Variants in SEMA6C observed in about 807,000 individuals in gnomAD.
The protein encoded by SEMA6C is semaphorin 6C.
A neutral mutation model predicts 72.9 loss-of-function variants in SEMA6C; 37 were observed. That is an observed-to-expected ratio of 0.51 (90% CI 0.39 to 0.67). SEMA6C has a LOEUF of 0.67. Among genes scored for constraint, SEMA6C ranks in the 30% least tolerant of loss-of-function variants. SEMA6C has a pLI of 0.00. For synonymous variants in SEMA6C, 578 were observed against 554.1 expected, an observed-to-expected ratio of 1.04 and a Z score of -0.61; for missense variants, 1,189 against 1,263.6, an observed-to-expected ratio of 0.94 and a Z score of 0.89.
chr1:151,141,203 A>G (rs1682517090), intron 3 of SEMA6C, among the ~76,000 whole-genome samples: 1 of 60,796 alleles, frequency 1.6e-5, no homozygotes, highest in Non-Finnish European at 3.4e-5. Flanking sequence ...GCTTTCTATC[A>G]TGGTGGGCTT....
intron 11 of SEMA6C, 50 bp from the exon 12 acceptor site, chr1:151,136,629 A>C: frequency 3.7e-6 from 6 of 1,607,316 alleles, no homozygotes; most frequent in Non-Finnish European, 5.1e-6. Context: ...GAACTGCACA[A>C]CTTCCCCCAG....
At position 151,137,744 on chromosome 1, in the gene SEMA6C, G is replaced by A. The variant is rs147967713; in HGVS notation, c.723C>T (p.Arg241=). 8.7e-5 allele frequency: 140 copies of A among 1,613,638 alleles called. 1 individual carries two copies. In the African/African-American group the frequency reaches 1.3e-3, roughly 14 times the overall value. The change falls in exon 10 of 19, where the codon CGC becomes CGT. Residue 241 remains arginine, a synonymous_variant. Coordinates refer to ENST00000368914, the MANE Select transcript of SEMA6C (RefSeq NM_030913.6). ...GCCGAGCATCCTCCACAGAGACCTC[G>A]CGGAAGAAGAAGTAGACATGGTCTC... is the stretch of plus-strand genomic sequence containing the variant. ...EHGDHVYFFF[R]EVSVEDARLG...
At position 151,132,245 on chromosome 1, in the gene SEMA6C, C is replaced by G. The variant is rs1030491878; in HGVS notation, c.*239G>C. The G allele has an allele frequency of 6.6e-7, 1 of 1,520,762 alleles. No individual in the cohort carries two copies. Among genetic ancestry groups the G allele is most frequent in the Non-Finnish European group, 8.8e-7 (1 of 1,137,648 alleles). The allele number at this position is 1,520,762 out of a possible 1,614,324, so 94.2% of individuals were successfully genotyped here. On this transcript the variant is annotated 3_prime_UTR_variant, in exon 19 of 19. Transcript: ENST00000368914. ...AGCGGGGAGTGGGAGTCCGCCAGCT[C>G]CCCCTGAAATGCTGGCTCACTGAGG...
At chr1:151,140,644 CCA>C (rs906822839) in intron 3 of SEMA6C, among the ~76,000 whole-genome samples, 1 of 152,212 alleles carries the variant, frequency 6.6e-6, no homozygotes, top group Admixed American at 6.5e-5. Context: ...GTGGTGGAAA[CCA>C]CAGTCATCAG....
intron 7 of SEMA6C, 63 bp from the exon 8 acceptor site, chr1:151,138,469 A>C (rs903895016): frequency 1.3e-6 from 2 of 1,523,608 alleles, no homozygotes; most frequent in East Asian, 2.3e-5. Flanking sequence ...TCCATAGCCT[A>C]TTCCCTCCTG....
intron 3 of SEMA6C, among the ~76,000 whole-genome samples, chr1:151,140,953 A>G (rs587629801): frequency 7.2e-5 from 11 of 151,730 alleles, no homozygotes; most frequent in East Asian, 3.9e-4. Context: ...AGCCGAGATC[A>G]CGCCACTGCA....
Position 151,133,153 on chromosome 1 carries a change from CG to C in SEMA6C, c.2123del (p.Pro708ArgfsTer43). The C allele has an allele frequency of 6.4e-7, 1 of 1,550,482 alleles. No individual in the cohort carries two copies. The highest frequency in any genetic ancestry group is 8.6e-7 in the Non-Finnish European group (1 of 1,161,748). ...LPTPESTPEL[P>X]VKHLRAAGDP... ...CCCCGGCGGCGCGGAGGTGCTTGAC[CG>C]GCAGCTCCGGCGTGGACTCGGGGGT... On this transcript the variant is annotated frameshift_variant, in exon 19 of 19. Coordinates refer to ENST00000368914, the MANE Select transcript of SEMA6C (RefSeq NM_030913.6). LOFTEE classifies it low-confidence loss of function (END_TRUNC). This position sits in a 1 kb window ranked among gnomAD's most constrained non-coding sequence, Gnocchi z 5.9.
chr1:151,143,269 T>C (rs1195912994), intron 2 of SEMA6C, among the ~76,000 whole-genome samples: 1 of 152,162 alleles, frequency 6.6e-6, no homozygotes, highest in East Asian at 1.9e-4. Context: ...TCAGGGGCCC[T>C]TCCCACCGCT....
At chr1:151,143,229 G>C (rs1682703730) in intron 2 of SEMA6C, among the ~76,000 whole-genome samples, 1 of 152,222 alleles carries the variant, frequency 6.6e-6, no homozygotes, top group Non-Finnish European at 1.5e-5. Context: ...AGGCAGCCTA[G>C]AGGTCACTGT....
chr1:151,132,006 G>A lies in SEMA6C; in HGVS notation c.*478C>T, dbSNP rs1355576443. On this transcript the variant is annotated 3_prime_UTR_variant, in exon 19 of 19. Transcript: ENST00000368914. Reference sequence around the variant, plus strand: ...GGCAGAGAGCGAGGGCGCCCAGAGCGAGCCGACCGACTGCCGCCCTCCCCC... The same window carrying A: ...GGCAGAGAGCGAGGGCGCCCAGAGCAAGCCGACCGACTGCCGCCCTCCCCC... The A allele has an allele frequency of 6.0e-6, 2 of 331,450 alleles. No homozygotes were observed. Among genetic ancestry groups the A allele is most frequent in the Non-Finnish European group, 1.1e-5 (2 of 174,666 alleles). The allele number at this position is 331,450 out of a possible 1,614,324, so 20.5% of individuals were successfully genotyped here.
intron 3 of SEMA6C, 42 bp from the exon 4 acceptor site, chr1:151,140,132 C>T (rs368394625): frequency 6.5e-7 from 1 of 1,527,800 alleles, no homozygotes; most frequent in South Asian, 1.2e-5. Flanking sequence ...ATACCACAAA[C>T]TTCCCCAACA....
At chr1:151,144,222 C>T (rs149657637) in intron 2 of SEMA6C, among the ~76,000 whole-genome samples, 163 bp downstream of exon 2, 150 of 152,274 alleles carry the variant, frequency 9.9e-4, no homozygotes, top group African/African-American at 3.3e-3. Flanking sequence ...ACCTGCTCTC[C>T]CCACCACCCC....
chr1:151,137,638 C>A, intron 10 of SEMA6C, 73 bp downstream of exon 10: 1 of 1,225,854 alleles, frequency 8.2e-7, no homozygotes, highest in Non-Finnish European at 1.2e-6. Flanking sequence ...CAGGAGATCT[C>A]CTCCCACTCA....
At chr1:151,139,727 A>G in intron 4 of SEMA6C, 26 bp from the exon 5 acceptor site, 1 of 1,576,100 alleles carries the variant, frequency 6.3e-7, no homozygotes, top group African/African-American at 1.3e-5. Flanking sequence ...AGGAGGGGTC[A>G]GAGCCTAGTC....
In SEMA6C at chr1:151,133,909, G is replaced by C; in HGVS notation, c.1760-392C>G. ...CAGTGAGGGGCTTAGAACGCTCCGA[G>C]AATCAGCAGCCCCACACTTCACTCC... is the stretch of plus-strand genomic sequence containing the variant. On this transcript the variant is annotated intron_variant, in intron 18 of 18. Transcript: ENST00000368914. This position sits in a 1 kb window ranked among gnomAD's most constrained non-coding sequence, Gnocchi z 5.9. 2.8e-6 allele frequency: 4 copies of C among 1,426,762 alleles called. No individual in the cohort carries two copies. Among genetic ancestry groups the C allele is most frequent in the Non-Finnish European group, 3.9e-6 (4 of 1,035,582 alleles). 88.4% of individuals were successfully genotyped at this position (1,426,762 alleles called of 1,614,324 possible).
intron 12 of SEMA6C, 92 bp downstream of exon 12, chr1:151,136,356 G>T: frequency 6.5e-7 from 1 of 1,543,508 alleles, no homozygotes; most frequent in Non-Finnish European, 8.8e-7. Context: ...CCACCCTGAG[G>T]CCTTGGACAT....
chr1:151,132,459 C>T lies in SEMA6C; in HGVS notation c.*25G>A, dbSNP rs1206390414. 1.3e-6 allele frequency: 2 copies of T among 1,540,180 alleles called. 1 individual carries two copies. The highest frequency in any genetic ancestry group is 2.4e-5 in the South Asian group (2 of 83,186). ...GCCGAGAGGACTCGGGCGCTCCCCA[C>T]GCTGGAGGCCGTGGGCCGCTCCCTT... On this transcript the variant is annotated 3_prime_UTR_variant, in exon 19 of 19. Coordinates refer to ENST00000368914, the MANE Select transcript of SEMA6C (RefSeq NM_030913.6).
intron 5 of SEMA6C, 35 bp from the exon 6 acceptor site, chr1:151,139,516 C>T: frequency 6.2e-7 from 1 of 1,608,016 alleles, no homozygotes; most frequent in Admixed American, 1.7e-5. Context: ...AAATCATGGG[C>T]AACTGGGTTC....
At chr1:151,137,414 C>T (rs1682129226) in intron 10 of SEMA6C, among the ~76,000 whole-genome samples, 1 of 147,540 alleles carries the variant, frequency 6.8e-6, no homozygotes, top group African/African-American at 2.6e-5. Context: ...CCACTGCACT[C>T]CAGCCTGGGC....
Sources: gnomAD v4.1 joint callset for allele counts (sites outside exome capture counted in the v4.1 genomes callset) on GRCh38, gnomAD v4.1.1 for gene constraint, Gnocchi (gnomAD v3.1) non-coding constraint, MANE v1.5 for transcripts, NCBI Gene and HGNC (gene_info 2026-07-23, HGNC 2026-07-21) for gene names.